The following GLIS3 variants were observed in gnomAD, a reference collection of about 807,000 sequenced individuals.
The protein encoded by GLIS3 is zinc finger protein GLIS3.
A neutral mutation model predicts 78.6 loss-of-function variants in GLIS3; 53 were observed. The ratio of observed to expected loss-of-function variants is 0.67; its 90% CI spans 0.54 to 0.85. The LOEUF is 0.85. GLIS3 is among the 40% of genes least tolerant of loss of function. The pLI is 0.00. For missense variants in GLIS3, 1,703 were observed against 1,231.1 expected (o/e 1.38, Z -5.74); for synonymous variants, 684 against 509.9 (o/e 1.34, Z -4.60).
At chr9:4,199,385 A>T (rs956064745) in intron 2 of GLIS3, among the ~76,000 whole-genome samples, 3 of 152,058 alleles carry the variant, frequency 2.0e-5, no homozygotes, top group Non-Finnish European at 4.4e-5. Context: ...CACAAATGCA[A>T]CACAAAAAAG....
In GLIS3 at chr9:3,881,726, A is replaced by G. The variant is rs114306376; in HGVS notation, c.2129-2131T>C. Among the ~76,000 whole-genome samples the G allele has an allele frequency of 4.1e-3, 617 of 152,304 alleles. 2 individuals carry two copies. Among genetic ancestry groups the G allele is most frequent in the African/African-American group, 0.01 (427 of 41,568 alleles). On this transcript the variant is annotated intron_variant, in intron 7 of 10. Transcript: ENST00000381971. ...GCCGTTATTTTTATATTCCATATTG[A>G]TAAGTGTCTATTACGTACTTGATAC... is the stretch of plus-strand genomic sequence containing the variant.
chr9:4,077,848 C>G (rs1828211991), intron 4 of GLIS3, among the ~76,000 whole-genome samples: 2 of 152,242 alleles, frequency 1.3e-5, no homozygotes, highest in South Asian at 2.1e-4. Context: ...CAGTCTCTTC[C>G]TCAGAAATCT....
chr9:4,452,157 T>C, the GLIS3 span, among the ~76,000 whole-genome samples: 2 of 152,158 alleles, frequency 1.3e-5, no homozygotes, highest in East Asian at 3.8e-4. Flanking sequence ...AAAGTAGGTA[T>C]TGATGGAACG....
chr9:3,905,481 C>A (rs1233240279), intron 6 of GLIS3, among the ~76,000 whole-genome samples: 1 of 152,048 alleles, frequency 6.6e-6, no homozygotes, highest in South Asian at 2.1e-4. Flanking sequence ...CAGAATGGAC[C>A]ACTTCTGTTT....
intron 4 of GLIS3, among the ~76,000 whole-genome samples, chr9:3,991,284 G>A (rs889471729): frequency 6.6e-6 from 1 of 152,030 alleles, no homozygotes; most frequent in Non-Finnish European, 1.5e-5. Context: ...TGTCCATTTT[G>A]ACTTTTACTT....
At chr9:4,398,925 G>A in the GLIS3 span, among the ~76,000 whole-genome samples, 1 of 152,136 alleles carries the variant, frequency 6.6e-6, no homozygotes, top group South Asian at 2.1e-4. Flanking sequence ...CTAACCTTGT[G>A]ATCCACCTAC....
At chr9:4,075,724 G>A (rs562351390) in intron 4 of GLIS3, among the ~76,000 whole-genome samples, 2 of 152,234 alleles carry the variant, frequency 1.3e-5, no homozygotes, top group Non-Finnish European at 2.9e-5. Flanking sequence ...CCACCAAGAA[G>A]TGTATGCATA....
the GLIS3 span, among the ~76,000 whole-genome samples, chr9:4,389,854 G>A: frequency 1.3e-5 from 2 of 152,182 alleles, no homozygotes; most frequent in Non-Finnish European, 2.9e-5. Context: ...CTCTTCTATT[G>A]GTTTATCCTG....
the GLIS3 span, among the ~76,000 whole-genome samples, chr9:4,390,629 C>G: frequency 2.0e-5 from 3 of 152,160 alleles, no homozygotes; most frequent in East Asian, 5.8e-4. Context: ...TGTGGTGACC[C>G]TCTGAAGAGG....
At chr9:4,041,217 C>T (rs989225257) in intron 4 of GLIS3, among the ~76,000 whole-genome samples, 1 of 152,132 alleles carries the variant, frequency 6.6e-6, no homozygotes, top group Admixed American at 6.5e-5. Flanking sequence ...CTAGCAATGA[C>T]TGGAGATATC....
intron 4 of GLIS3, among the ~76,000 whole-genome samples, chr9:4,008,511 T>C (rs1286591262): frequency 6.6e-6 from 1 of 152,182 alleles, no homozygotes; most frequent in Non-Finnish European, 1.5e-5. Flanking sequence ...GCTTGCAGAA[T>C]TCTGTGTAGG....
At chr9:4,432,178 A>G in the GLIS3 span, among the ~76,000 whole-genome samples, 4 of 152,152 alleles carry the variant, frequency 2.6e-5, no homozygotes, top group South Asian at 8.3e-4. Context: ...ATTATGCTAA[A>G]CAATGTTTCT....
At chr9:3,839,240 G>A (rs146117678) in intron 9 of GLIS3, among the ~76,000 whole-genome samples, 98 of 152,256 alleles carry the variant, frequency 6.4e-4, no homozygotes, top group East Asian at 9.6e-4. Flanking sequence ...CAATAAAAGT[G>A]CAAAATTCAT....
chr9:4,357,678 C>G, the GLIS3 span, among the ~76,000 whole-genome samples: 1,330 of 152,164 alleles, frequency 8.7e-3, 21 homozygotes, highest in African/African-American at 0.031. Flanking sequence ...CAACTTTCAA[C>G]TTTTTGGGGA....
chr9:4,425,260 CAG>C, the GLIS3 span, among the ~76,000 whole-genome samples: 2 of 152,176 alleles, frequency 1.3e-5, no homozygotes, highest in African/African-American at 4.8e-5. Context: ...CTGTCACATG[CAG>C]AGAGTCTTAA....
the GLIS3 span, among the ~76,000 whole-genome samples, chr9:4,375,434 G>A: frequency 2.6e-5 from 4 of 152,156 alleles, no homozygotes; most frequent in African/African-American, 4.8e-5. Context: ...ATTTGCGACT[G>A]TTTTATAATA....
chr9:4,202,285 G>C (rs1819473908), intron 2 of GLIS3, among the ~76,000 whole-genome samples: 1 of 150,800 alleles, frequency 6.6e-6, no homozygotes, highest in Non-Finnish European at 1.5e-5. Context: ...CGAGTAGCTG[G>C]GACTACAGGC....
intron 4 of GLIS3, among the ~76,000 whole-genome samples, chr9:4,097,446 A>G (rs935900271): frequency 2.6e-5 from 4 of 151,908 alleles, no homozygotes; most frequent in Admixed American, 2.0e-4. Context: ...TGGTCTTCTC[A>G]CTCTATCCTA....
At chr9:4,279,653 C>A (rs1827372935) in intron 2 of GLIS3, among the ~76,000 whole-genome samples, 1 of 151,800 alleles carries the variant, frequency 6.6e-6, no homozygotes, top group African/African-American at 2.4e-5. Context: ...TTGGATATTT[C>A]AACTGGTGTT....
Sources: gnomAD v4.1 joint callset for allele counts (sites outside exome capture counted in the v4.1 genomes callset) on GRCh38, gnomAD v4.1.1 for gene constraint, MANE v1.5 for transcripts, NCBI Gene and HGNC (gene_info 2026-07-23, HGNC 2026-07-21) for gene names.